The following CABCOCO1 variants were observed in gnomAD, a reference collection of about 807,000 sequenced individuals.
CABCOCO1 encodes ciliary associated calcium binding coiled-coil 1.
CABCOCO1 carries 28 observed loss-of-function variants against 35.7 expected under a neutral mutation model. The observed-to-expected ratio is 0.78, with a 90% confidence interval of 0.58 to 1.07. The LOEUF (loss-of-function observed/expected upper bound fraction) is 1.07. Among genes scored for constraint, CABCOCO1 ranks in the 50% least tolerant of loss-of-function variants. The pLI is 0.00. For synonymous variants in CABCOCO1, 95 were observed against 100.1 expected (o/e 0.95, Z 0.30); for missense variants, 326 against 309.2 (o/e 1.05, Z -0.41).
At chr10:61,711,274 C>T (rs967468601) in intron 5 of CABCOCO1, among the ~76,000 whole-genome samples, 3 of 151,866 alleles carry the variant, frequency 2.0e-5, no homozygotes, top group Non-Finnish European at 4.4e-5. Flanking sequence ...AAACAGTTTG[C>T]AAGTGGGGAA....
At chr10:61,695,299 A>G (rs72821793) in intron 5 of CABCOCO1, among the ~76,000 whole-genome samples, 59,645 of 151,618 alleles carry the variant, frequency 0.39, 14,008 homozygotes, top group Middle Eastern at 0.53. Context: ...ATAAATCAAA[A>G]AAAAAAAATC....
At chr10:61,679,886 A>G (rs1839654651) in intron 2 of CABCOCO1, among the ~76,000 whole-genome samples, 1 of 152,190 alleles carries the variant, frequency 6.6e-6, no homozygotes, top group Admixed American at 6.5e-5. Flanking sequence ...GGAAGAGATA[A>G]AGAAATAAAA....
intron 5 of CABCOCO1, among the ~76,000 whole-genome samples, chr10:61,748,198 G>A (rs1258500445): frequency 5.9e-5 from 9 of 151,546 alleles, no homozygotes; most frequent in African/African-American, 2.2e-4. Flanking sequence ...TATTAATTAA[G>A]AGACTATATA....
At chr10:61,716,594 T>C (rs1840872508) in intron 5 of CABCOCO1, among the ~76,000 whole-genome samples, 3 of 152,164 alleles carry the variant, frequency 2.0e-5, no homozygotes, top group African/African-American at 7.2e-5. Flanking sequence ...AGCTCTTCCA[T>C]TTTCCCCTGT....
intron 5 of CABCOCO1, among the ~76,000 whole-genome samples, chr10:61,713,113 C>T (rs1380467260): frequency 2.0e-5 from 3 of 152,110 alleles, no homozygotes; most frequent in Admixed American, 6.6e-5. Flanking sequence ...GCCATTTTCA[C>T]GATATTGATT....
At chr10:61,665,047 T>G (rs956799592) in intron 1 of CABCOCO1, among the ~76,000 whole-genome samples, 1 of 152,358 alleles carries the variant, frequency 6.6e-6, no homozygotes, top group Admixed American at 6.5e-5. Flanking sequence ...CAGTTCTGAA[T>G]TATTTCCTTT....
chr10:61,672,025 C>T (rs1839375590), intron 1 of CABCOCO1, among the ~76,000 whole-genome samples: 1 of 152,192 alleles, frequency 6.6e-6, no homozygotes, highest in African/African-American at 2.4e-5. Context: ...CTCATGTAAC[C>T]TAGGTAACAT....
At chr10:61,759,856 G>A (rs912055168) in intron 5 of CABCOCO1, among the ~76,000 whole-genome samples, 1 of 152,066 alleles carries the variant, frequency 6.6e-6, no homozygotes, top group Non-Finnish European at 1.5e-5. Flanking sequence ...AAATGAGACA[G>A]TGGGAAAACA....
intron 5 of CABCOCO1, among the ~76,000 whole-genome samples, chr10:61,751,414 T>C (rs1841782660): frequency 6.6e-6 from 1 of 151,914 alleles, no homozygotes; most frequent in South Asian, 2.1e-4. Flanking sequence ...CAATGAGTTT[T>C]ATGGCTGACT....
chr10:61,679,852 T>A (rs1274700597), intron 2 of CABCOCO1, among the ~76,000 whole-genome samples: 18 of 151,570 alleles, frequency 1.2e-4, no homozygotes, highest in Admixed American at 1.2e-3. Context: ...ACAGAAAGCA[T>A]ACAACAGAGA....
intron 5 of CABCOCO1, among the ~76,000 whole-genome samples, chr10:61,750,434 A>C (rs1036901043): frequency 1.3e-5 from 2 of 151,990 alleles, no homozygotes; most frequent in Non-Finnish European, 2.9e-5. Context: ...AAATTAGCCT[A>C]GCGTGGTGGC....
At chr10:61,732,628 G>T (rs774756507) in intron 5 of CABCOCO1, among the ~76,000 whole-genome samples, 7 of 151,952 alleles carry the variant, frequency 4.6e-5, no homozygotes, top group Non-Finnish European at 1.0e-4. Flanking sequence ...ACAGTTATTA[G>T]AACCATATAA....
chr10:61,720,247 A>G (rs1393341788), intron 5 of CABCOCO1, among the ~76,000 whole-genome samples: 1 of 151,762 alleles, frequency 6.6e-6, no homozygotes, highest in Non-Finnish European at 1.5e-5. Context: ...AAGCAATAAA[A>G]ATGCATCACC....
At chr10:61,710,284 GTGTGTGTGTGT>G (rs1840701706) in intron 5 of CABCOCO1, among the ~76,000 whole-genome samples, 1 of 90,572 alleles carries the variant, frequency 1.1e-5, no homozygotes, top group East Asian at 2.7e-4. Flanking sequence ...GTGTGTGTGT[GTGTGTGTGTGT>G]AGAGATATAA....
intron 5 of CABCOCO1, among the ~76,000 whole-genome samples, chr10:61,691,380 A>G (rs1465465681): frequency 6.6e-6 from 1 of 152,218 alleles, no homozygotes; most frequent in East Asian, 1.9e-4. Context: ...CAGCAGTTCT[A>G]CAATGAAAGG....
chr10:61,671,834 G>A (rs892594583), intron 1 of CABCOCO1, among the ~76,000 whole-genome samples: 3 of 152,126 alleles, frequency 2.0e-5, no homozygotes, highest in Non-Finnish European at 4.4e-5. Flanking sequence ...TCTGAGTGCT[G>A]TCTGTATTAC....
chr10:61,738,707 A>G (rs1238346547), intron 5 of CABCOCO1, among the ~76,000 whole-genome samples: 4 of 152,188 alleles, frequency 2.6e-5, no homozygotes, highest in African/African-American at 7.2e-5. Flanking sequence ...CAATTGTACA[A>G]TAAATGTTGT....
At chr10:61,686,622 T>A (rs1203121757) in intron 4 of CABCOCO1, among the ~76,000 whole-genome samples, 1 of 152,218 alleles carries the variant, frequency 6.6e-6, no homozygotes, top group African/African-American at 2.4e-5. Flanking sequence ...TTCATTGCTA[T>A]TTAAATATTT....
At chr10:61,723,933 G>C (rs1841082192) in intron 5 of CABCOCO1, among the ~76,000 whole-genome samples, 1 of 152,168 alleles carries the variant, frequency 6.6e-6, no homozygotes. Flanking sequence ...AAAAAGCCCA[G>C]AGAATCGGTT....
Sources: allele counts gnomAD v4.1 joint callset (sites outside exome capture counted in the v4.1 genomes callset), GRCh38; gene constraint gnomAD v4.1.1; transcripts MANE v1.5; gene names NCBI Gene and HGNC (gene_info 2026-07-23, HGNC 2026-07-21).